Variants in CCSER1 observed in about 807,000 individuals in gnomAD.
CCSER1 encodes serine-rich coiled-coil domain-containing protein 1.
In CCSER1, 41 loss-of-function variants were observed where a neutral mutation model predicts 82.0. That is an observed-to-expected ratio of 0.50 (90% confidence interval 0.39 to 0.65). The LOEUF (loss-of-function observed/expected upper bound fraction) is 0.65. CCSER1 is among the 30% of genes least tolerant of loss of function. The pLI, the probability that CCSER1 is intolerant of heterozygous loss-of-function variation, is 0.00. For missense variants in CCSER1, 1,119 were observed against 1,064.2 expected (o/e 1.05, Z -0.72); for synonymous variants, 414 against 383.9 (o/e 1.08, Z -0.92).
At chr4:91,349,871 A>G (rs1748358129) in intron 10 of CCSER1, among the ~76,000 whole-genome samples, 1 of 151,198 alleles carries the variant, frequency 6.6e-6, no homozygotes. Flanking sequence ...TCCTAACAGC[A>G]TTGTTTCCCA....
At chr4:91,580,122 C>G (rs1262899900) in intron 10 of CCSER1, among the ~76,000 whole-genome samples, 3 of 151,780 alleles carry the variant, frequency 2.0e-5, no homozygotes, top group Non-Finnish European at 2.9e-5. Context: ...TACTGCAGAG[C>G]AAGCTGAAGA....
chr4:91,102,092 C>T (rs12510441), intron 10 of CCSER1, among the ~76,000 whole-genome samples: 4 of 151,806 alleles, frequency 2.6e-5, no homozygotes, highest in Non-Finnish European at 4.4e-5. Context: ...TCGTGCAGAT[C>T]GGTTTCAATT....
intron 1 of CCSER1, among the ~76,000 whole-genome samples, chr4:90,298,938 T>G (rs2153472795): frequency 6.6e-6 from 1 of 152,226 alleles, no homozygotes; most frequent in Non-Finnish European, 1.5e-5. Context: ...ACTTCTTTCT[T>G]CTTTTACCAC....
intron 8 of CCSER1, among the ~76,000 whole-genome samples, chr4:90,863,017 C>T (rs1395086898): frequency 1.3e-5 from 2 of 148,782 alleles, no homozygotes; most frequent in Non-Finnish European, 3.0e-5. Context: ...TATACATGTG[C>T]CATGCTGGTG....
chr4:91,579,796 A>G (rs1763642416), intron 10 of CCSER1, among the ~76,000 whole-genome samples: 1 of 151,922 alleles, frequency 6.6e-6, no homozygotes, highest in Admixed American at 6.6e-5. Flanking sequence ...TACCATGGTC[A>G]TGAAAAGCCG....
chr4:90,870,862 A>G (rs1463169463), intron 8 of CCSER1, among the ~76,000 whole-genome samples: 3 of 143,754 alleles, frequency 2.1e-5, no homozygotes, highest in Non-Finnish European at 1.5e-5. Flanking sequence ...TATGGCTTAA[A>G]TCTCATTACT....
chr4:91,347,496 A>G (rs926439146), intron 10 of CCSER1, among the ~76,000 whole-genome samples: 6 of 151,376 alleles, frequency 4.0e-5, no homozygotes, highest in African/African-American at 1.5e-4. Flanking sequence ...TTTTTTTTGC[A>G]TCCACAAAAT....
intron 6 of CCSER1, among the ~76,000 whole-genome samples, chr4:90,699,712 C>G (rs1419635888): frequency 6.6e-6 from 1 of 152,174 alleles, no homozygotes; most frequent in Non-Finnish European, 1.5e-5. Context: ...CTGTATGAAT[C>G]TGCCATAATC....
At chr4:90,269,506 C>T (rs1200127730) in intron 1 of CCSER1, among the ~76,000 whole-genome samples, 2 of 151,664 alleles carry the variant, frequency 1.3e-5, no homozygotes, top group African/African-American at 4.8e-5. Context: ...AAACAGCATA[C>T]CAAAATCTAT....
chr4:91,324,283 A>G (rs1746395735), intron 10 of CCSER1, among the ~76,000 whole-genome samples: 1 of 152,120 alleles, frequency 6.6e-6, no homozygotes, highest in African/African-American at 2.4e-5. Flanking sequence ...AATTTGGAAA[A>G]CATCAGTCTT....
At chr4:90,627,719 G>C (rs908872848) in intron 5 of CCSER1, among the ~76,000 whole-genome samples, 1 of 151,936 alleles carries the variant, frequency 6.6e-6, no homozygotes, top group Non-Finnish European at 1.5e-5. Flanking sequence ...AGTGGTGCAC[G>C]CCTGTAATCC....
chr4:90,473,246 A>G (rs988455738), intron 5 of CCSER1, among the ~76,000 whole-genome samples: 2 of 152,178 alleles, frequency 1.3e-5, no homozygotes, highest in Admixed American at 6.5e-5. Context: ...TTGAAATGCA[A>G]ATATTCTGTA....
In CCSER1 at chr4:90,564,895, C is replaced by T. The variant is rs550762045; in HGVS notation, c.1725-63130C>T. On this transcript the variant is annotated intron_variant, in intron 5 of 10. Coordinates refer to ENST00000509176, the MANE Select transcript of CCSER1 (RefSeq NM_001145065.2). ...CATTGGACTATGTGTCTTTTAATGC[C>T]AGTGCCACACTCTTTCGTAACTTAC... Among the ~76,000 whole-genome samples the T allele has an allele frequency of 2.2e-4, 34 of 151,786 alleles. No homozygotes were observed. The South Asian group carries it at 5.2e-3, about 23-fold the overall frequency.
chr4:90,905,749 C>T (rs1375975448), intron 8 of CCSER1, among the ~76,000 whole-genome samples: 2 of 152,160 alleles, frequency 1.3e-5, no homozygotes, highest in East Asian at 3.9e-4. Context: ...GCTCTCTATA[C>T]ATCCCACTCC....
intron 4 of CCSER1, among the ~76,000 whole-genome samples, chr4:90,451,927 G>C (rs1425994843): frequency 1.3e-5 from 2 of 152,156 alleles, no homozygotes; most frequent in African/African-American, 4.8e-5. Flanking sequence ...CCCATTGGCT[G>C]TGAGGAAGTT....
intron 10 of CCSER1, among the ~76,000 whole-genome samples, chr4:91,343,101 T>C (rs368617330): frequency 3.1e-4 from 47 of 152,186 alleles, no homozygotes; most frequent in East Asian, 2.9e-3. Context: ...TATAATAAAA[T>C]ATTTACTGTT....
intron 9 of CCSER1, among the ~76,000 whole-genome samples, chr4:90,928,970 A>G (rs1305810638): frequency 6.6e-6 from 1 of 152,146 alleles, no homozygotes; most frequent in African/African-American, 2.4e-5. Flanking sequence ...TATCATATTC[A>G]TCTAGCATAA....
intron 1 of CCSER1, among the ~76,000 whole-genome samples, chr4:90,305,355 A>G (rs1287929837): frequency 1.3e-5 from 2 of 152,236 alleles, no homozygotes; most frequent in African/African-American, 4.8e-5. Flanking sequence ...GTAGGTTCAC[A>G]ACCAGCTGCA....
intron 1 of CCSER1, among the ~76,000 whole-genome samples, chr4:90,184,436 C>T (rs1734247783): frequency 6.6e-6 from 1 of 151,958 alleles, no homozygotes; most frequent in South Asian, 2.1e-4. Context: ...GAGAGTTGTA[C>T]CTAGGTGTCC....
Sources: allele counts gnomAD v4.1 joint callset (sites outside exome capture counted in the v4.1 genomes callset), GRCh38; gene constraint gnomAD v4.1.1; transcripts MANE v1.5; gene names NCBI Gene and HGNC (gene_info 2026-07-23, HGNC 2026-07-21).